Variants in ZDHHC9 observed in about 807,000 individuals in gnomAD.
ZDHHC9 encodes the protein zDHHC palmitoyltransferase 9, also known as palmitoyltransferase ZDHHC9.
ZDHHC9 carries 3 observed loss-of-function variants against 26.6 expected under a neutral mutation model. The observed-to-expected ratio is 0.11, with a 90% confidence interval of 0.05 to 0.29. The LOEUF is 0.29. Ranked by LOEUF, ZDHHC9 falls within the 10% of genes least tolerant of loss-of-function variation. The pLI is 1.00. For missense variants in ZDHHC9, 146 were observed against 296.4 expected, an observed-to-expected ratio of 0.49 and a Z score of 3.73; for synonymous variants, 111 against 109.4, an observed-to-expected ratio of 1.01 and a Z score of -0.09.
intron 3 of ZDHHC9, among the ~76,000 whole-genome samples, chrX:129,834,198 C>T (rs995598965): frequency 1.3e-4 from 15 of 111,575 alleles, no homozygotes; most frequent in Non-Finnish European, 2.4e-4. Context: ...TCATCAGTCA[C>T]CAAACCTGCA....
At chrX:129,822,241 G>A (rs1479985951) in intron 5 of ZDHHC9, among the ~76,000 whole-genome samples, 1 of 111,224 alleles carries the variant, frequency 9.0e-6, no homozygotes, top group Admixed American at 9.6e-5. Flanking sequence ...AAGAAAATGT[G>A]GCACATATAC....
At position 129,806,265 on chromosome X, in the gene ZDHHC9, G is replaced by A. The variant is rs1053440; in HGVS notation, c.*105C>T. Reference sequence around the variant, plus strand: ...GGTGACTAAAGACCAAAGAAAAACAGTTAAAAGGGACAGCTTACTTGCTCT... The same window carrying A: ...GGTGACTAAAGACCAAAGAAAAACAATTAAAAGGGACAGCTTACTTGCTCT... On this transcript the variant is annotated 3_prime_UTR_variant, in exon 11 of 11. Transcript: ENST00000357166. 0.016 allele frequency: 11,775 copies of A among 736,488 alleles called. 845 individuals carry two copies. In the African/African-American group the frequency reaches 0.21, roughly 13 times the overall value. The allele number at this position is 736,488 out of a possible 1,213,427, so 60.7% of individuals were successfully genotyped here. A position where few individuals can be genotyped will look rare whatever the true frequency, so the allele number is the denominator to read the frequency against.
At chrX:129,834,005 G>A (rs1181940332) in intron 3 of ZDHHC9, among the ~76,000 whole-genome samples, 1 of 112,361 alleles carries the variant, frequency 8.9e-6, no homozygotes, top group Admixed American at 9.4e-5. Context: ...AAATTCATAT[G>A]TTGAAATCTT....
chrX:129,806,404 T>C lies in ZDHHC9; in HGVS notation c.1061A>G (p.Glu354Gly). The change falls in exon 11 of 11, where the codon GAG becomes GGG. Residue 354 changes from glutamate (E) to glycine (G), a missense_variant. Glu to Gly is a moderately conservative substitution (Grantham distance 98). This residue lies in a region of ZDHHC9 where 46 missense variants were observed against 46.4 expected (regional missense o/e 0.99). Transcript: ENST00000357166. Reference sequence around the variant, plus strand: ...AGCTTCAGCTGCCTCCTGTGGTGGCTCTGGGGGCTCTGGAGGTGGCATCTC... The same window carrying C: ...AGCTTCAGCTGCCTCCTGTGGTGGCCCTGGGGGCTCTGGAGGTGGCATCTC... ...PEEMPPPEPP[E>G]PPQEAAEAEK 1 of 1,211,639 alleles carries C rather than the reference T, an allele frequency of 8.3e-7. No homozygotes were observed. Among genetic ancestry groups the C allele is most frequent in the Non-Finnish European group, 1.1e-6 (1 of 895,380 alleles).
chrX:129,806,485 G>T lies in ZDHHC9; in HGVS notation c.980C>A (p.Ala327Asp). 2 of 1,203,400 alleles carry T rather than the reference G, an allele frequency of 1.7e-6. No homozygotes were observed. Among genetic ancestry groups the T allele is most frequent in the Non-Finnish European group, 2.3e-6 (2 of 888,366 alleles). The part of the protein sequence containing the change: ...TSSSLLPQSP[A>D]PTEHLNSNEM... Reference sequence around the variant, plus strand: ...ATTTGAGTTCAGGTGTTCTGTGGGGGCCTGAGAAGGAAAAGATATGAGATT... The same window carrying T: ...ATTTGAGTTCAGGTGTTCTGTGGGGTCCTGAGAAGGAAAAGATATGAGATT... Residue 327 changes from alanine to aspartate, a missense_variant and splice_region_variant, in exon 11 of 11, where the codon GCC (alanine) becomes GAC (aspartate). This residue lies in a region of ZDHHC9 where 46 missense variants were observed against 46.4 expected (regional missense o/e 0.99). Transcript: ENST00000357166.
At chrX:129,827,818 T>TTTG (rs1314638442) in intron 4 of ZDHHC9, among the ~76,000 whole-genome samples, 1 of 101,847 alleles carries the variant, frequency 9.8e-6, no homozygotes, top group Non-Finnish European at 2.1e-5. Context: ...TGTTTGTTTG[T>TTTG]TTTGGTTTGG....
At chrX:129,814,632 C>A in intron 6 of ZDHHC9, 26 bp downstream of exon 6, 1 of 1,210,381 alleles carries the variant, frequency 8.3e-7, no homozygotes, top group Admixed American at 2.2e-5. Flanking sequence ...CCCACTCCAA[C>A]AACGGACACT....
At chrX:129,821,639 G>C (rs1046329923) in intron 5 of ZDHHC9, among the ~76,000 whole-genome samples, 1 of 108,364 alleles carries the variant, frequency 9.2e-6, no homozygotes, top group Non-Finnish European at 1.9e-5. Flanking sequence ...AATGGGTTTC[G>C]ACAGCCGGGT....
Position 129,841,985 on chromosome X carries a change from C to T in ZDHHC9, c.-40G>A, listed in dbSNP as rs1350938344. 5 of 1,207,136 alleles carry T rather than the reference C, an allele frequency of 4.1e-6. No individual in the cohort carries two copies. Among genetic ancestry groups the T allele is most frequent in the East Asian group, 5.9e-5 (2 of 33,833 alleles). ...CTCCAAAATGGGTTTTGCGATTACA[C>T]GAGAGAAGAAACAGAGGCTGAGCCC... On this transcript the variant is annotated 5_prime_UTR_variant, in exon 3 of 11. It adds an upstream start codon to the 5' untranslated region. Coordinates refer to ENST00000357166, the MANE Select transcript of ZDHHC9 (RefSeq NM_016032.4).
At chrX:129,832,402 C>T in intron 3 of ZDHHC9, among the ~76,000 whole-genome samples, 1 of 110,982 alleles carries the variant, frequency 9.0e-6, no homozygotes, top group Non-Finnish European at 1.9e-5. Flanking sequence ...AATCCCAGCA[C>T]TTTGGGAGGT....
intron 3 of ZDHHC9, among the ~76,000 whole-genome samples, chrX:129,836,452 T>A (rs1377003964): frequency 9.0e-6 from 1 of 111,310 alleles, no homozygotes; most frequent in East Asian, 2.8e-4. Context: ...CCCAGCTGAC[T>A]TTTTGTACTT....
chrX:129,822,729 T>C (rs1325996881), intron 5 of ZDHHC9, among the ~76,000 whole-genome samples: 2 of 111,775 alleles, frequency 1.8e-5, no homozygotes, highest in East Asian at 5.5e-4. Context: ...TTTTACCATA[T>C]AAAGCAATAT....
intron 4 of ZDHHC9, among the ~76,000 whole-genome samples, chrX:129,827,703 A>G (rs1408644310): frequency 9.0e-6 from 1 of 110,740 alleles, no homozygotes; most frequent in African/African-American, 3.3e-5. Flanking sequence ...TATGCACTCT[A>G]CTGAGCCTGC....
chrX:129,822,189 A>T (rs1602952857), intron 5 of ZDHHC9, among the ~76,000 whole-genome samples: 1 of 111,491 alleles, frequency 9.0e-6, no homozygotes, highest in Non-Finnish European at 1.9e-5. Flanking sequence ...AATACCAAAG[A>T]CTTGGAACCA....
chrX:129,813,300 G>A (rs1927686136), intron 7 of ZDHHC9, among the ~76,000 whole-genome samples: 2 of 111,887 alleles, frequency 1.8e-5, no homozygotes, highest in African/African-American at 6.5e-5. Flanking sequence ...TCGGGAGGCT[G>A]AGGCAGGAGA....
intron 5 of ZDHHC9, among the ~76,000 whole-genome samples, chrX:129,821,356 G>A (rs190866222): frequency 0.012 from 1,220 of 104,651 alleles, 20 homozygotes; most frequent in African/African-American, 0.041. Context: ...GCAGTGGCGC[G>A]ATCTTGGCTC....
chrX:129,817,311 T>C (rs1056996760), intron 5 of ZDHHC9, among the ~76,000 whole-genome samples: 1 of 110,709 alleles, frequency 9.0e-6, no homozygotes, highest in Non-Finnish European at 1.9e-5. Flanking sequence ...AATCCGTGGG[T>C]CGTGGTGGTG....
intron 4 of ZDHHC9, among the ~76,000 whole-genome samples, chrX:129,825,887 C>A (rs1351598780): frequency 9.0e-6 from 1 of 111,348 alleles, no homozygotes; most frequent in Non-Finnish European, 1.9e-5. Flanking sequence ...TTTAGCTAAA[C>A]CCTCAGAGAA....
chrX:129,804,033 A>G lies in ZDHHC9; in HGVS notation c.*2337T>C, dbSNP rs776849904. On this transcript the variant is annotated 3_prime_UTR_variant, in exon 11 of 11. Coordinates refer to ENST00000357166, the MANE Select transcript of ZDHHC9 (RefSeq NM_016032.4). Reference sequence around the variant, plus strand: ...GGGCAGGGAGTATGAAAAAGCAGAAAATCATTTCACACTAGAGATAAGAGA... The same window carrying G: ...GGGCAGGGAGTATGAAAAAGCAGAAGATCATTTCACACTAGAGATAAGAGA... The G allele has an allele frequency of 9.0e-6, 1 of 111,453 alleles. No individual in the cohort carries two copies. The highest frequency in any genetic ancestry group is 3.3e-5 in the African/African-American group (1 of 30,695). 9.2% of individuals were successfully genotyped at this position (111,453 alleles called of 1,213,427 possible). A position where few individuals can be genotyped will look rare whatever the true frequency, so the allele number is the denominator to read the frequency against.
Sources: gnomAD v4.1 joint callset for allele counts (sites outside exome capture counted in the v4.1 genomes callset) on GRCh38, gnomAD v4.1.1 for gene constraint, gnomAD v4.1.1 regional missense constraint, MANE v1.5 for transcripts, NCBI Gene and HGNC (gene_info 2026-07-23, HGNC 2026-07-21) for gene names.